Variants in NECAB1 observed in about 807,000 individuals in gnomAD.
The protein encoded by NECAB1 is N-terminal EF-hand calcium binding protein 1.
Under a neutral mutation model 57.5 loss-of-function variants are expected in NECAB1, and 29 were observed. The ratio of observed to expected loss-of-function variants is 0.50; its 90% CI spans 0.38 to 0.69. The LOEUF is 0.69. NECAB1 is among the 30% of genes least tolerant of loss of function. The pLI, the probability that NECAB1 is intolerant of heterozygous loss-of-function variation, is 0.00. For synonymous variants in NECAB1, 142 were observed against 147.7 expected (o/e 0.96, Z 0.28); for missense variants, 372 against 413.8 (o/e 0.90, Z 0.88).
At chr8:90,951,062 G>A in intron 11 of NECAB1, 51 bp from the exon 12 acceptor site, 1 of 1,148,590 alleles carries the variant, frequency 8.7e-7, no homozygotes, top group Non-Finnish European at 1.3e-6. Flanking sequence ...GCTGTACTTG[G>A]GAAGATTGTA....
intron 10 of NECAB1, among the ~76,000 whole-genome samples, chr8:90,945,345 C>G (rs1307638363): frequency 6.6e-6 from 1 of 152,044 alleles, no homozygotes; most frequent in Non-Finnish European, 1.5e-5. Context: ...GAATTACAGG[C>G]ATGAGCTACC....
chr8:90,894,466 C>T (rs551526693), intron 5 of NECAB1, among the ~76,000 whole-genome samples: 6 of 152,298 alleles, frequency 3.9e-5, no homozygotes, highest in Admixed American at 2.6e-4. Context: ...TGATTCCTAG[C>T]TCTGCTACTT....
intron 5 of NECAB1, among the ~76,000 whole-genome samples, chr8:90,901,351 T>C (rs986880938): frequency 6.6e-6 from 1 of 152,214 alleles, no homozygotes; most frequent in Admixed American, 6.5e-5. Flanking sequence ...TGAAAAGCTT[T>C]CCTTCCAGCG....
Position 90,791,885 on chromosome 8 carries a change from G to C in NECAB1, c.-2G>C, listed in dbSNP as rs368225737. ...CGCCTGAGGCCGTCAGGGCTCCCGA[G>C]GATGGAAGATTCCCAGGAGACATCG... On this transcript the variant is annotated 5_prime_UTR_variant, in exon 1 of 13. Transcript: ENST00000417640. The C allele has an allele frequency of 4.8e-5, 75 of 1,550,412 alleles. No homozygotes were observed. In the East Asian group the frequency reaches 1.8e-3, roughly 37 times the overall value.
At chr8:90,933,251 C>G (rs750920972) in intron 8 of NECAB1, among the ~76,000 whole-genome samples, 1 of 152,188 alleles carries the variant, frequency 6.6e-6, no homozygotes, top group Middle Eastern at 3.4e-3. Flanking sequence ...GAAAAGAAGT[C>G]ATTATACAAA....
chr8:90,809,314 C>T (rs963941611), intron 2 of NECAB1, among the ~76,000 whole-genome samples: 1 of 152,198 alleles, frequency 6.6e-6, no homozygotes, highest in Non-Finnish European at 1.5e-5. Context: ...AATCTATTAG[C>T]AGGGCCTGTT....
chr8:90,858,625 A>G (rs375094359), intron 3 of NECAB1, among the ~76,000 whole-genome samples: 15 of 122,540 alleles, frequency 1.2e-4, no homozygotes, highest in African/African-American at 5.6e-4. Flanking sequence ...CAATTTGAAG[A>G]AAAAAAAAAA....
rs922753317 is a variant in NECAB1 at position 90,958,083 on chromosome 8, C to T, written c.*2571C>T. 2 of 143,786 alleles carry T rather than the reference C, an allele frequency of 1.4e-5. No homozygotes were observed. The highest frequency in any genetic ancestry group is 2.1e-4 in the South Asian group (1 of 4,710). The allele number at this position is 143,786 out of a possible 1,614,324, so 8.9% of individuals were successfully genotyped here. A position where few individuals can be genotyped will look rare whatever the true frequency, so the allele number is the denominator to read the frequency against. Reference sequence around the variant, plus strand: ...ATCAGCAGATTTTTCTGGAAGAAACCCTTTTTTTTTTTTTTTTTAAACAGT... The same window carrying T: ...ATCAGCAGATTTTTCTGGAAGAAACTCTTTTTTTTTTTTTTTTTAAACAGT... On this transcript the variant is annotated 3_prime_UTR_variant, in exon 13 of 13. Coordinates refer to ENST00000417640, the MANE Select transcript of NECAB1 (RefSeq NM_022351.5).
At chr8:90,936,291 T>C (rs556896434) in intron 9 of NECAB1, among the ~76,000 whole-genome samples, 1 of 152,086 alleles carries the variant, frequency 6.6e-6, no homozygotes, top group South Asian at 2.1e-4. Flanking sequence ...CTTGGAAAAA[T>C]AAATTCTATG....
chr8:90,818,285 T>C (rs1001571456), intron 2 of NECAB1, among the ~76,000 whole-genome samples: 12 of 152,118 alleles, frequency 7.9e-5, no homozygotes, highest in Admixed American at 3.3e-4. Context: ...TTGAATTTCA[T>C]TGATTTCTGC....
At chr8:90,800,863 A>T (rs1811746748) in intron 1 of NECAB1, among the ~76,000 whole-genome samples, 1 of 152,178 alleles carries the variant, frequency 6.6e-6, no homozygotes, top group African/African-American at 2.4e-5. Flanking sequence ...TGCCCTGCCC[A>T]ACACTGGAGC....
At chr8:90,955,447 G>A in intron 12 of NECAB1, 40 bp from the exon 13 acceptor site, 1 of 1,480,156 alleles carries the variant, frequency 6.8e-7, no homozygotes, top group Non-Finnish European at 9.2e-7. Flanking sequence ...TGCCCTATAA[G>A]TTATTTTCAT....
intron 2 of NECAB1, chr8:90,806,768 T>G (rs1811853230): frequency 1.3e-5 from 2 of 152,370 alleles, no homozygotes; most frequent in East Asian, 3.9e-4. Context: ...CTCATAAAGT[T>G]GTTTTGAGAA....
chr8:90,958,173 A>T lies in NECAB1; in HGVS notation c.*2661A>T, dbSNP rs1364175660. 1 of 151,358 alleles carries T rather than the reference A, an allele frequency of 6.6e-6. No individual in the cohort carries two copies. The highest frequency in any genetic ancestry group is 1.5e-5 in the Non-Finnish European group (1 of 67,564). The allele number at this position is 151,358 out of a possible 1,614,324, so 9.4% of individuals were successfully genotyped here. On this transcript the variant is annotated 3_prime_UTR_variant, in exon 13 of 13. Coordinates refer to ENST00000417640, the MANE Select transcript of NECAB1 (RefSeq NM_022351.5). ...AAATTTCTAGGAATTAAAAGCTTAA[A>T]CCCAAAAATTGTTCATCCATATATA...
chr8:90,826,366 C>T (rs1440074534), intron 3 of NECAB1, among the ~76,000 whole-genome samples: 4 of 151,858 alleles, frequency 2.6e-5, no homozygotes, highest in Admixed American at 1.3e-4. Context: ...CAGGCTGCAA[C>T]GTCTTTATAG....
chr8:90,912,992 ATTG>A (rs1029669354), intron 5 of NECAB1, among the ~76,000 whole-genome samples: 2 of 152,196 alleles, frequency 1.3e-5, no homozygotes, highest in African/African-American at 4.8e-5. Context: ...GCTAAATGTG[ATTG>A]TTATCTGACC....
At chr8:90,947,491 C>A (rs1209419894) in intron 10 of NECAB1, among the ~76,000 whole-genome samples, 1 of 151,390 alleles carries the variant, frequency 6.6e-6, no homozygotes, top group Non-Finnish European at 1.5e-5. Flanking sequence ...ACCTTCACCT[C>A]CTGGGTTCAA....
intron 3 of NECAB1, among the ~76,000 whole-genome samples, chr8:90,829,063 A>C (rs987669030): frequency 1.3e-5 from 2 of 151,956 alleles, no homozygotes; most frequent in African/African-American, 2.4e-5. Flanking sequence ...TCTCTCAATC[A>C]TTGTAGTGAG....
chr8:90,801,668 A>T lies in NECAB1; in HGVS notation c.100-23A>T, dbSNP rs187944053. Reference sequence around the variant, plus strand: ...AATATTTATCTAAAATGCTGATAAAATTTTTTCCTTTTTCCTTTCCAGATA... The same window carrying T: ...AATATTTATCTAAAATGCTGATAAATTTTTTTCCTTTTTCCTTTCCAGATA... On this transcript the variant is annotated intron_variant, in intron 1 of 12. Transcript: ENST00000417640. 741 of 1,496,242 alleles carry T rather than the reference A, an allele frequency of 5.0e-4. 3 individuals carry two copies. In the African/African-American group the frequency reaches 9.2e-3, roughly 19 times the overall value. The allele number at this position is 1,496,242 out of a possible 1,614,324, so 92.7% of individuals were successfully genotyped here.
Sources: gnomAD v4.1 joint callset for allele counts (sites outside exome capture counted in the v4.1 genomes callset) on GRCh38, gnomAD v4.1.1 for gene constraint, MANE v1.5 for transcripts, NCBI Gene and HGNC (gene_info 2026-07-23, HGNC 2026-07-21) for gene names.